VTI1A: variants seen among roughly 807,000 people sequenced by gnomAD.
VTI1A encodes vesicle transport through interaction with t-SNAREs homolog 1A.
In VTI1A, 22 loss-of-function variants were observed where a neutral mutation model predicts 34.9. The ratio of observed to expected loss-of-function variants is 0.63; its 90% CI spans 0.45 to 0.90. The LOEUF (loss-of-function observed/expected upper bound fraction) is 0.90, where lower values mean the gene tolerates loss of function less well. Among genes scored for constraint, VTI1A ranks in the 40% least tolerant of loss-of-function variants. The pLI is 0.00. For missense variants in VTI1A, 268 were observed against 275.6 expected (o/e 0.97, Z 0.20); for synonymous variants, 87 against 97.3 (o/e 0.89, Z 0.62).
intron 7 of VTI1A, chr10:112,736,691 G>C: frequency 6.4e-7 from 1 of 1,551,594 alleles, no homozygotes; most frequent in Non-Finnish European, 8.7e-7. Context: ...GGTGAGAAAT[G>C]CTACATAAGG....
chr10:112,470,697 G>C (rs1353809954), intron 3 of VTI1A, among the ~76,000 whole-genome samples: 1 of 152,060 alleles, frequency 6.6e-6, no homozygotes, highest in African/African-American at 2.4e-5. Context: ...TCACATACCA[G>C]CCTGGCCAAC....
chr10:112,738,507 C>T (rs905472250), intron 7 of VTI1A, among the ~76,000 whole-genome samples: 2 of 151,992 alleles, frequency 1.3e-5, no homozygotes, highest in South Asian at 2.1e-4. Context: ...CCTCAGTGAA[C>T]GGCTGATGAA....
At chr10:112,633,884 C>T (rs951846226) in intron 5 of VTI1A, among the ~76,000 whole-genome samples, 3 of 150,996 alleles carry the variant, frequency 2.0e-5, no homozygotes, top group Non-Finnish European at 2.9e-5. Context: ...TGACTCACTC[C>T]AGAAAATACC....
intron 5 of VTI1A, among the ~76,000 whole-genome samples, chr10:112,639,597 G>A (rs899952058): frequency 3.9e-5 from 6 of 152,124 alleles, no homozygotes; most frequent in African/African-American, 1.4e-4. Flanking sequence ...GACATGGGGT[G>A]ACTAGATGTT....
chr10:112,683,980 T>C (rs1194137850), intron 7 of VTI1A, among the ~76,000 whole-genome samples: 1 of 151,708 alleles, frequency 6.6e-6, no homozygotes, highest in Non-Finnish European at 1.5e-5. Flanking sequence ...GAGGTAGAGG[T>C]TGCAGTGAGC....
intron 4 of VTI1A, among the ~76,000 whole-genome samples, chr10:112,536,829 T>C (rs934906789): frequency 6.7e-6 from 1 of 149,572 alleles, no homozygotes; most frequent in Non-Finnish European, 1.5e-5. Flanking sequence ...GCATCTCAGA[T>C]GTGTCACCTA....
chr10:112,581,705 G>A (rs892407113), intron 5 of VTI1A, among the ~76,000 whole-genome samples: 6 of 152,180 alleles, frequency 3.9e-5, no homozygotes, highest in Non-Finnish European at 7.4e-5. Flanking sequence ...CAGCATTCCT[G>A]TTAGCAAATA....
chr10:112,737,249 CTT>C (rs56710609), intron 7 of VTI1A: 45,969 of 649,754 alleles, frequency 0.071, 3,014 homozygotes, highest in African/African-American at 0.36. Context: ...TTTTGTATTT[CTT>C]TTTTTTTTTT....
At chr10:112,647,911 A>G (rs899377716) in intron 5 of VTI1A, among the ~76,000 whole-genome samples, 2 of 152,132 alleles carry the variant, frequency 1.3e-5, no homozygotes, top group Admixed American at 6.5e-5. Flanking sequence ...CTGGGACTAC[A>G]AGCACATGCC....
At chr10:112,779,917 T>C (rs1012499212) in intron 7 of VTI1A, among the ~76,000 whole-genome samples, 1 of 152,108 alleles carries the variant, frequency 6.6e-6, no homozygotes, top group African/African-American at 2.4e-5. Flanking sequence ...CCTTGTTCTT[T>C]AGGTTTCTCA....
At chr10:112,501,114 C>G (rs1020092534) in intron 3 of VTI1A, among the ~76,000 whole-genome samples, 1 of 152,184 alleles carries the variant, frequency 6.6e-6, no homozygotes, top group African/African-American at 2.4e-5. Context: ...AGTTCAGGAA[C>G]CTGTTTCATT....
chr10:112,739,132 G>T (rs1850600385), intron 7 of VTI1A, among the ~76,000 whole-genome samples: 1 of 152,148 alleles, frequency 6.6e-6, no homozygotes. Flanking sequence ...CTGCCACCTT[G>T]TCATACTTGT....
chr10:112,772,267 T>C (rs1323807048), intron 7 of VTI1A, among the ~76,000 whole-genome samples: 2 of 152,250 alleles, frequency 1.3e-5, no homozygotes, highest in Admixed American at 1.3e-4. Flanking sequence ...AAGTGGTATC[T>C]GATTGTGGTT....
chr10:112,463,252 A>C (rs891996075), intron 2 of VTI1A, among the ~76,000 whole-genome samples: 4 of 152,118 alleles, frequency 2.6e-5, no homozygotes, highest in Admixed American at 6.6e-5. Flanking sequence ...TGGCAACTAC[A>C]AGTAAGCCAC....
intron 5 of VTI1A, among the ~76,000 whole-genome samples, chr10:112,660,903 G>T (rs1847421998): frequency 6.6e-6 from 1 of 152,004 alleles, no homozygotes; most frequent in Non-Finnish European, 1.5e-5. Flanking sequence ...TTTCACTTCT[G>T]CATGTTATCA....
rs7084407 is a variant in VTI1A at position 112,541,512 on chromosome 10, T to C, written c.427+3182T>C. 8.6e-3 allele frequency among the ~76,000 whole-genome samples: 1,312 copies of C among 152,272 alleles called. 19 individuals are homozygous for C. The highest frequency in any genetic ancestry group is 0.03 in the African/African-American group (1,245 of 41,552). Reference sequence around the variant, plus strand: ...TAACTTTGAGAATCATTGGCAAAGATTTCAACAAAAATCTGTAAACTTTTC... The same window carrying C: ...TAACTTTGAGAATCATTGGCAAAGACTTCAACAAAAATCTGTAAACTTTTC... On this transcript the variant is annotated intron_variant, in intron 5 of 7. Coordinates refer to ENST00000393077, the MANE Select transcript of VTI1A (RefSeq NM_145206.4).
chr10:112,481,509 C>G (rs1044000046), intron 3 of VTI1A, among the ~76,000 whole-genome samples: 1 of 152,266 alleles, frequency 6.6e-6, no homozygotes, highest in East Asian at 1.9e-4. Context: ...TATATTAACT[C>G]CCTGGTAAGA....
At chr10:112,720,328 A>G (rs1183646294) in intron 7 of VTI1A, among the ~76,000 whole-genome samples, 1 of 152,222 alleles carries the variant, frequency 6.6e-6, no homozygotes, top group South Asian at 2.1e-4. Flanking sequence ...TCCCACCAGC[A>G]ATGAATAAGT....
intron 7 of VTI1A, among the ~76,000 whole-genome samples, chr10:112,748,683 T>C (rs1038561878): frequency 1.2e-4 from 18 of 144,816 alleles, no homozygotes; most frequent in African/African-American, 4.7e-4. Context: ...TGGAGTGCAG[T>C]GGCGCGATCT....
Sources: allele counts gnomAD v4.1 joint callset (sites outside exome capture counted in the v4.1 genomes callset), GRCh38; gene constraint gnomAD v4.1.1; transcripts MANE v1.5; gene names NCBI Gene and HGNC (gene_info 2026-07-23, HGNC 2026-07-21).